The following SPAG17 variants were observed in gnomAD, a reference collection of about 807,000 sequenced individuals.
The protein encoded by SPAG17 is sperm associated antigen 17, also known as sperm-associated antigen 17.
A neutral mutation model predicts 273.6 loss-of-function variants in SPAG17; 169 were observed. The observed-to-expected ratio is 0.62, with a 90% CI of 0.55 to 0.70. The LOEUF is 0.70. Among genes scored for constraint, SPAG17 ranks in the 30% least tolerant of loss-of-function variants. The pLI is 0.00. For missense variants in SPAG17, 2,557 were observed against 2,627.8 expected, an observed-to-expected ratio of 0.97 and a Z score of 0.59; for synonymous variants, 825 against 873.2, an observed-to-expected ratio of 0.94 and a Z score of 0.97.
intron 44 of SPAG17, among the ~76,000 whole-genome samples, chr1:117,972,442 G>T (rs972797809): frequency 2.0e-5 from 3 of 152,204 alleles, no homozygotes; most frequent in African/African-American, 7.2e-5. Context: ...CATTCTGTTG[G>T]TCGGGGGCAG....
chr1:117,988,392 C>A (rs1656679143), intron 38 of SPAG17, among the ~76,000 whole-genome samples, 188 bp from the exon 39 acceptor site: 1 of 152,162 alleles, frequency 6.6e-6, no homozygotes, highest in Non-Finnish European at 1.5e-5. Flanking sequence ...AAATATCCTA[C>A]TAGAAAACAC....
At chr1:118,048,845 G>A (rs1480175072) in intron 20 of SPAG17, among the ~76,000 whole-genome samples, 1 of 152,058 alleles carries the variant, frequency 6.6e-6, no homozygotes, top group African/African-American at 2.4e-5. Flanking sequence ...GCAGTGAGCC[G>A]GGATTGCACC....
At position 117,992,345 on chromosome 1, in the gene SPAG17, T is replaced by C. The variant is rs1002730888; in HGVS notation, c.5361+121A>G. On this transcript the variant is annotated intron_variant, in intron 36 of 48. Transcript: ENST00000336338. Reference sequence around the variant, plus strand: ...AACCCTCTACTCTGAAAGACTGACATCCTTGTGTTGCACTAGACAAATATT... The same window carrying C: ...AACCCTCTACTCTGAAAGACTGACACCCTTGTGTTGCACTAGACAAATATT... The C allele has an allele frequency of 7.7e-6, 7 of 905,932 alleles. No individual in the cohort carries two copies. In the African/African-American group the frequency reaches 1.2e-4, roughly 16 times the overall value. The allele number at this position is 905,932 out of a possible 1,614,324, so 56.1% of individuals were successfully genotyped here. A position where few individuals can be genotyped will look rare whatever the true frequency, so the allele number is the denominator to read the frequency against.
chr1:118,125,230 C>CATAT (rs564502550), intron 3 of SPAG17, among the ~76,000 whole-genome samples: 179 of 141,314 alleles, frequency 1.3e-3, no homozygotes, highest in African/African-American at 4.3e-3. Flanking sequence ...TTATTGTATT[C>CATAT]ATATATATAT....
At chr1:118,010,286 G>A (rs1018503472) in intron 30 of SPAG17, among the ~76,000 whole-genome samples, 3 of 150,068 alleles carry the variant, frequency 2.0e-5, no homozygotes, top group East Asian at 2.0e-4. Flanking sequence ...AACCGTAACC[G>A]TGCTACTCAA....
intron 36 of SPAG17, 152 bp from the exon 37 acceptor site, chr1:117,991,680 G>T (rs1403866852): frequency 9.7e-6 from 5 of 514,748 alleles, no homozygotes; most frequent in African/African-American, 8.0e-5. Flanking sequence ...AACCTGAAAA[G>T]ACTTTTTCTT....
chr1:118,048,057 C>T (rs1650570403), intron 20 of SPAG17, among the ~76,000 whole-genome samples: 1 of 152,110 alleles, frequency 6.6e-6, no homozygotes, highest in Admixed American at 6.5e-5. Flanking sequence ...AGGACCCAGG[C>T]CTGTCCTCAT....
intron 44 of SPAG17, among the ~76,000 whole-genome samples, chr1:117,972,945 T>C (rs962673593): frequency 6.6e-6 from 1 of 152,208 alleles, no homozygotes; most frequent in African/African-American, 2.4e-5. Flanking sequence ...AGGGTGAGGG[T>C]GAAGAAGCAA....
chr1:118,016,021 T>G lies in SPAG17; in HGVS notation c.4231A>C (p.Ile1411Leu). Residue 1411 changes from isoleucine to leucine, a missense_variant, in exon 29 of 49, where the codon ATA becomes CTA. Physicochemically the swap from Ile to Leu is conservative, Grantham distance 5. Coordinates refer to ENST00000336338, the MANE Select transcript of SPAG17 (RefSeq NM_206996.4). ...GATAACAATGGGGTCAAGTCTGCTA[T>G]TCTTTCTAATCCTTTGGTGCCGATC... ...NRIGTKGLER[I>L]ADLTPLLSFQ... The G allele has an allele frequency of 6.2e-7, 1 of 1,614,102 alleles. No homozygotes were observed. The highest frequency in any genetic ancestry group is 8.5e-7 in the Non-Finnish European group (1 of 1,179,972).
intron 18 of SPAG17, among the ~76,000 whole-genome samples, chr1:118,062,062 T>C (rs543908385): frequency 1.3e-5 from 2 of 152,208 alleles, no homozygotes; most frequent in South Asian, 2.1e-4. Flanking sequence ...GAAAAGGATA[T>C]GCTAGATATA....
At chr1:118,074,373 T>C (rs2102109224) in intron 16 of SPAG17, among the ~76,000 whole-genome samples, 166 bp downstream of exon 16, 1 of 152,332 alleles carries the variant, frequency 6.6e-6, no homozygotes. Flanking sequence ...AACTCCTTTC[T>C]GTCCAGTTGG....
At chr1:118,121,042 T>C (rs1657391656) in intron 3 of SPAG17, among the ~76,000 whole-genome samples, 1 of 152,082 alleles carries the variant, frequency 6.6e-6, no homozygotes, top group African/African-American at 2.4e-5. Flanking sequence ...TGGGTAAACA[T>C]AGTTTTGGCA....
At chr1:118,180,365 TCA>T (rs1660884694) in intron 1 of SPAG17, among the ~76,000 whole-genome samples, 1 of 152,098 alleles carries the variant, frequency 6.6e-6, no homozygotes, top group South Asian at 2.1e-4. Context: ...TCGTATGTTC[TCA>T]CTCTTATGTA....
intron 45 of SPAG17, among the ~76,000 whole-genome samples, chr1:117,970,680 C>G (rs1451859229): frequency 6.6e-6 from 1 of 152,074 alleles, no homozygotes; most frequent in Non-Finnish European, 1.5e-5. Context: ...GGTTAAAGAC[C>G]TGGAGTAAAT....
chr1:118,132,466 C>T (rs975119157), intron 3 of SPAG17, among the ~76,000 whole-genome samples: 3 of 152,144 alleles, frequency 2.0e-5, no homozygotes, highest in African/African-American at 7.2e-5. Flanking sequence ...TGAATTTAGG[C>T]ATTTTATTTA....
At chr1:117,992,406 C>CTG in intron 36 of SPAG17, 60 bp downstream of exon 36, 2 of 1,470,808 alleles carry the variant, frequency 1.4e-6, no homozygotes, top group Non-Finnish European at 1.8e-6. Context: ...CTTAGGAAAC[C>CTG]AAAAGCAATG....
intron 3 of SPAG17, among the ~76,000 whole-genome samples, chr1:118,132,069 G>A (rs1445139133): frequency 6.6e-6 from 1 of 152,236 alleles, no homozygotes; most frequent in Non-Finnish European, 1.5e-5. Flanking sequence ...GAGCATTCAG[G>A]ACAGTATCGC....
At chr1:118,082,135 T>A (rs1654629659) in intron 13 of SPAG17, among the ~76,000 whole-genome samples, 1 of 152,196 alleles carries the variant, frequency 6.6e-6, no homozygotes, top group Non-Finnish European at 1.5e-5. Context: ...TTTCCATAAT[T>A]GCACTTCAAA....
intron 3 of SPAG17, among the ~76,000 whole-genome samples, chr1:118,144,023 T>G (rs1038449163): frequency 2.6e-5 from 4 of 152,126 alleles, no homozygotes; most frequent in Non-Finnish European, 5.9e-5. Context: ...CTACCTCCCC[T>G]CTCCTGGACT....
Sources: allele counts gnomAD v4.1 joint callset (sites outside exome capture counted in the v4.1 genomes callset), GRCh38; gene constraint gnomAD v4.1.1; transcripts MANE v1.5; gene names NCBI Gene and HGNC (gene_info 2026-07-23, HGNC 2026-07-21).